Variants in CDC20B observed in about 807,000 individuals in gnomAD.
CDC20B encodes cell division cycle 20B.
CDC20B carries 58 observed loss-of-function variants against 64.1 expected under a neutral mutation model. The observed-to-expected ratio is 0.90, with a 90% CI of 0.73 to 1.13. The LOEUF is 1.13. Ranked by LOEUF, CDC20B falls within the 50% of genes most tolerant of loss-of-function variation. The pLI is 0.00. For synonymous variants in CDC20B, 243 were observed against 230.6 expected (o/e 1.05, Z -0.49); for missense variants, 597 against 633.0 (o/e 0.94, Z 0.61).
chr5:55,154,410 G>A (rs1436006624), intron 2 of CDC20B, among the ~76,000 whole-genome samples: 1 of 152,090 alleles, frequency 6.6e-6, no homozygotes, highest in African/African-American at 2.4e-5. Flanking sequence ...CCAGCTACTT[G>A]GGAGGCTAAG....
Position 55,169,117 on chromosome 5 carries a change from T to C in CDC20B, c.126+3471A>G, listed in dbSNP as rs78980121. Among the ~76,000 whole-genome samples, 693 of 152,238 alleles carry C rather than the reference T, an allele frequency of 4.6e-3. 12 individuals carry two copies. In the East Asian group the frequency reaches 0.054, roughly 12 times the overall value. On this transcript the variant is annotated intron_variant, in intron 2 of 11. Coordinates refer to ENST00000381375, the MANE Select transcript of CDC20B (RefSeq NM_001170402.1). The stretch of plus-strand genomic sequence containing the variant: ...GAAAATAACATGTTGAAATTTAACC[T>C]TAAAAAAAGACAAGATGAAAATAAT...
intron 2 of CDC20B, among the ~76,000 whole-genome samples, chr5:55,153,264 G>C (rs996606768): frequency 1.3e-5 from 1 of 76,302 alleles, no homozygotes; most frequent in East Asian, 3.9e-4. Context: ...AAAAAAAAAA[G>C]AACAATTTTC....
chr5:55,116,904 T>TAATA, intron 11 of CDC20B, among the ~76,000 whole-genome samples: 2 of 152,246 alleles, frequency 1.3e-5, no homozygotes, highest in African/African-American at 4.8e-5. Flanking sequence ...AAGACATTCT[T>TAATA]GAAGTTTTTC....
At chr5:55,129,481 A>G (rs1389891376) in intron 6 of CDC20B, among the ~76,000 whole-genome samples, 1 of 152,184 alleles carries the variant, frequency 6.6e-6, no homozygotes, top group Non-Finnish European at 1.5e-5. Flanking sequence ...AAAGGCCACC[A>G]TATTTCTGGT....
At chr5:55,163,331 G>A (rs771225112) in intron 2 of CDC20B, among the ~76,000 whole-genome samples, 21 of 151,844 alleles carry the variant, frequency 1.4e-4, no homozygotes, top group Non-Finnish European at 2.5e-4. Context: ...AGCCCATCCC[G>A]GGCAACACAG....
chr5:55,128,313 A>G, intron 7 of CDC20B, 108 bp downstream of exon 7: 1 of 833,864 alleles, frequency 1.2e-6, no homozygotes, highest in Non-Finnish European at 1.8e-6. Flanking sequence ...CCCATACTTC[A>G]AGAGCCACAC....
Position 55,127,474 on chromosome 5 carries a change from A to G in CDC20B, c.895-123T>C, listed in dbSNP as rs1742923281. 7 of 722,518 alleles carry G rather than the reference A, an allele frequency of 9.7e-6. No homozygotes were observed. The South Asian group carries it at 1.2e-4, about 12-fold the overall frequency. The allele number at this position is 722,518 out of a possible 1,614,324, so 44.8% of individuals were successfully genotyped here. A position where few individuals can be genotyped will look rare whatever the true frequency, so the allele number is the denominator to read the frequency against. The stretch of plus-strand genomic sequence containing the variant: ...TTTTTGTACTAAGTGAAAACCCAGC[A>G]CATCTAGCCAGCAGTTCTCAATTCT... On this transcript the variant is annotated intron_variant, in intron 7 of 11. Coordinates refer to ENST00000381375, the MANE Select transcript of CDC20B (RefSeq NM_001170402.1).
At chr5:55,151,180 A>G (rs1743657830) in intron 2 of CDC20B, among the ~76,000 whole-genome samples, 1 of 152,240 alleles carries the variant, frequency 6.6e-6, no homozygotes, top group Non-Finnish European at 1.5e-5. Context: ...TGTTTTAGCC[A>G]CAGCAAGAAC....
chr5:55,134,360 T>C (rs1325352010), intron 5 of CDC20B, among the ~76,000 whole-genome samples: 1 of 152,002 alleles, frequency 6.6e-6, no homozygotes, highest in Admixed American at 6.6e-5. Context: ...GTGTTAGCTA[T>C]GAAAACCTGT....
chr5:55,119,888 T>C lies in CDC20B; in HGVS notation c.1372A>G (p.Lys458Glu). The change falls in exon 11 of 12, where the codon AAG becomes GAG. Residue 458 changes from lysine to glutamate, a missense_variant. By Grantham distance (56) the Lys-to-Glu change is moderately conservative. Coordinates refer to ENST00000381375, the MANE Select transcript of CDC20B (RefSeq NM_001170402.1). ...ICSLIWLPKT[K>E]EIATGQGTPK... is the part of the protein sequence containing the mutation. ...GTACCTTGACCAGTTGCAATCTCCT[T>C]TGTCTTAGGTAGCCAGATTAAGGAA... The C allele has an allele frequency of 6.2e-7, 1 of 1,613,644 alleles. No individual in the cohort carries two copies. The highest frequency in any genetic ancestry group is 1.1e-5 in the South Asian group (1 of 91,076).
intron 2 of CDC20B, among the ~76,000 whole-genome samples, chr5:55,151,472 C>T (rs530978957): frequency 6.6e-6 from 1 of 152,280 alleles, no homozygotes; most frequent in African/African-American, 2.4e-5. Flanking sequence ...GAGACACTTG[C>T]TCAAAAGTTT....
In CDC20B at chr5:55,133,445, T is replaced by C; in HGVS notation, c.664A>G (p.Lys222Glu). 1 of 1,573,364 alleles carries C rather than the reference T, an allele frequency of 6.4e-7. No homozygotes were observed. The highest frequency in any genetic ancestry group is 8.7e-7 in the Non-Finnish European group (1 of 1,151,538). Residue 222 changes from lysine (K) to glutamate (E), a missense_variant, in exon 6 of 12, where the codon AAG becomes GAG. Around this residue, in one of 3 missense-constraint regions of CDC20B, gnomAD observed 353 missense variants for 397.0 expected, o/e 0.89. Transcript: ENST00000381375. ...TTTCGAAGACCAGTAATATGAATCT[T>C]CACCTCTGGTTGGAGTATGGAATCG... ...INDSILQPEV[K>E]IHITGLRNDY...
chr5:55,156,503 T>C (rs1743811963), intron 2 of CDC20B, among the ~76,000 whole-genome samples: 1 of 152,214 alleles, frequency 6.6e-6, no homozygotes, highest in South Asian at 2.1e-4. Context: ...AGTTAACTGC[T>C]CCCTATTTCA....
At chr5:55,130,235 A>C (rs1742995163) in intron 6 of CDC20B, among the ~76,000 whole-genome samples, 1 of 152,346 alleles carries the variant, frequency 6.6e-6, no homozygotes, top group South Asian at 2.1e-4. Context: ...GGAAAAATAT[A>C]ATATCTGAAA....
chr5:55,151,356 C>T (rs746039332), intron 2 of CDC20B, among the ~76,000 whole-genome samples: 1 of 152,182 alleles, frequency 6.6e-6, no homozygotes, highest in Non-Finnish European at 1.5e-5. Context: ...ACATTTGCAA[C>T]GGCTCCACTA....
Position 55,114,186 on chromosome 5 carries a change from A to ATAAGG in CDC20B, c.*27_*31dup. ...CCAACATCATCATCTTCACTCAGAA[A>ATAAGG]TAAGGAAACTGAAACCTAGAGGGGC... On this transcript the variant is annotated 3_prime_UTR_variant, in exon 12 of 12. Transcript: ENST00000381375. The surrounding 1 kb of genome is among the most constrained non-coding windows in gnomAD (Gnocchi z 4.1). 11 of 1,602,282 alleles carry ATAAGG rather than the reference A, an allele frequency of 6.9e-6. No individual in the cohort carries two copies. The highest frequency in any genetic ancestry group is 9.4e-6 in the Non-Finnish European group (11 of 1,174,394).
chr5:55,128,693 T>C, intron 6 of CDC20B, 76 bp from the exon 7 acceptor site: 1 of 1,104,736 alleles, frequency 9.1e-7, no homozygotes. Flanking sequence ...ACTTTATAGG[T>C]AGGGGGAAAA....
At chr5:55,125,070 A>C in intron 8 of CDC20B, 42 bp from the exon 9 acceptor site, 2 of 1,519,786 alleles carry the variant, frequency 1.3e-6, no homozygotes, top group Non-Finnish European at 1.8e-6. Flanking sequence ...CTGTTGCTAC[A>C]TAAACATTTG....
intron 11 of CDC20B, among the ~76,000 whole-genome samples, chr5:55,117,822 A>G (rs1742658914): frequency 6.6e-6 from 1 of 152,160 alleles, no homozygotes; most frequent in Non-Finnish European, 1.5e-5. Flanking sequence ...GTCCTTAAGA[A>G]AGAAAACAGT....
Sources: allele counts gnomAD v4.1 joint callset (sites outside exome capture counted in the v4.1 genomes callset), GRCh38; gene constraint gnomAD v4.1.1; regional missense constraint gnomAD v4.1.1; non-coding constraint Gnocchi (gnomAD v3.1); transcripts MANE v1.5; gene names NCBI Gene and HGNC (gene_info 2026-07-23, HGNC 2026-07-21).